LHFPL6: variants seen among roughly 807,000 people sequenced by gnomAD.
The protein encoded by LHFPL6 is LHFPL tetraspan subfamily member 6 protein.
A neutral mutation model predicts 20.6 loss-of-function variants in LHFPL6; 9 were observed. The ratio of observed to expected loss-of-function variants is 0.44; its 90% CI spans 0.26 to 0.76. LHFPL6 has a LOEUF of 0.76. Among genes scored for constraint, LHFPL6 ranks in the 30% least tolerant of loss-of-function variants. LHFPL6 has a pLI of 0.20. For missense variants in LHFPL6, 218 were observed against 253.5 expected, an observed-to-expected ratio of 0.86 and a Z score of 0.95; for synonymous variants, 105 against 98.7, an observed-to-expected ratio of 1.06 and a Z score of -0.38.
At chr13:39,562,589 T>TACATATATAC (rs1486581536) in intron 2 of LHFPL6, among the ~76,000 whole-genome samples, 15,433 of 131,990 alleles carry the variant, frequency 0.12, 1,232 homozygotes, top group East Asian at 0.42. Context: ...TACACATATA[T>TACATATATAC]ACATATATAC....
chr13:39,376,473 T>C lies in LHFPL6; in HGVS notation c.484+1955A>G, dbSNP rs1450494030. 2.0e-5 allele frequency among the ~76,000 whole-genome samples: 3 copies of C among 152,154 alleles called. No individual in the cohort carries two copies. The East Asian group carries it at 5.8e-4, about 29-fold the overall frequency. ...TCTTATTTGTTTTATCCATGCAAAT[T>C]AGGTGGTATTTAGAACAGTCTTCTC... On this transcript the variant is annotated intron_variant, in intron 3 of 3. Coordinates refer to ENST00000379589, the MANE Select transcript of LHFPL6 (RefSeq NM_005780.3).
intron 2 of LHFPL6, among the ~76,000 whole-genome samples, chr13:39,390,488 ACT>A (rs1345287535): frequency 2.6e-5 from 4 of 151,884 alleles, no homozygotes; most frequent in Admixed American, 2.6e-4. Context: ...AGAGAATGAG[ACT>A]CTGTCTCTAA....
At chr13:39,386,216 G>A (rs893624598) in intron 2 of LHFPL6, among the ~76,000 whole-genome samples, 1 of 152,110 alleles carries the variant, frequency 6.6e-6, no homozygotes, top group Non-Finnish European at 1.5e-5. Context: ...TGATGTACAC[G>A]AGTTTTGTCC....
At chr13:39,561,152 C>A (rs995219275) in intron 2 of LHFPL6, among the ~76,000 whole-genome samples, 1 of 151,938 alleles carries the variant, frequency 6.6e-6, no homozygotes, top group African/African-American at 2.4e-5. Context: ...TCACTCACTT[C>A]TAGGAGGCTT....
At position 39,343,866 on chromosome 13, in the gene LHFPL6, G is replaced by A. The variant is rs866035281; in HGVS notation, c.*70C>T. On this transcript the variant is annotated 3_prime_UTR_variant, in exon 4 of 4. Transcript: ENST00000379589. ...ACTACTATCCCACCTTTTGAAGGTA[G>A]GTGGATGTTTTGACCTCTCCAAGCC... 9.3e-6 allele frequency: 10 copies of A among 1,080,624 alleles called. No individual in the cohort carries two copies. Among genetic ancestry groups the A allele is most frequent in the African/African-American group, 4.6e-5 (3 of 64,578 alleles). The allele number at this position is 1,080,624 out of a possible 1,614,324, so 66.9% of individuals were successfully genotyped here.
At chr13:39,538,618 A>T (rs1011282481) in intron 2 of LHFPL6, among the ~76,000 whole-genome samples, 1 of 151,724 alleles carries the variant, frequency 6.6e-6, no homozygotes, top group Middle Eastern at 3.2e-3. Context: ...GGTGACACAG[A>T]CACCAAATGC....
At chr13:39,502,332 A>G (rs763510492) in intron 2 of LHFPL6, among the ~76,000 whole-genome samples, 3 of 151,982 alleles carry the variant, frequency 2.0e-5, no homozygotes, top group Non-Finnish European at 4.4e-5. Flanking sequence ...AAAAATACAC[A>G]TTTTGGCCAG....
chr13:39,433,190 T>C (rs910842537), intron 2 of LHFPL6, among the ~76,000 whole-genome samples: 1 of 152,228 alleles, frequency 6.6e-6, no homozygotes, highest in African/African-American at 2.4e-5. Context: ...CAGTGAGTTG[T>C]TAAGAAACAA....
intron 2 of LHFPL6, among the ~76,000 whole-genome samples, chr13:39,415,775 T>G (rs1163043312): frequency 6.6e-6 from 1 of 152,210 alleles, no homozygotes; most frequent in Non-Finnish European, 1.5e-5. Flanking sequence ...AGCTTCATAG[T>G]CTCAGTGCTG....
chr13:39,435,775 T>C (rs1371141996), intron 2 of LHFPL6, among the ~76,000 whole-genome samples: 1 of 152,164 alleles, frequency 6.6e-6, no homozygotes, highest in African/African-American at 2.4e-5. Context: ...CAAAATGCTA[T>C]TAAAATACCA....
intron 2 of LHFPL6, among the ~76,000 whole-genome samples, chr13:39,577,086 G>A (rs747644301): frequency 5.3e-5 from 8 of 152,122 alleles, no homozygotes; most frequent in Non-Finnish European, 8.8e-5. Flanking sequence ...TCTTCATGGA[G>A]TTAAAAATGA....
intron 2 of LHFPL6, among the ~76,000 whole-genome samples, chr13:39,479,854 C>G (rs1868444605): frequency 6.6e-6 from 1 of 152,154 alleles, no homozygotes; most frequent in Admixed American, 6.6e-5. Flanking sequence ...TTGACAGTCT[C>G]CAACAACTGA....
chr13:39,401,100 G>A (rs1219718257), intron 2 of LHFPL6, among the ~76,000 whole-genome samples: 7 of 152,140 alleles, frequency 4.6e-5, no homozygotes, highest in African/African-American at 9.7e-5. Flanking sequence ...TATGTTGAGC[G>A]CAACTACAAA....
In LHFPL6 at chr13:39,344,016, C is replaced by G; in HGVS notation, c.523G>C (p.Ala175Pro). The G allele has an allele frequency of 6.2e-7, 1 of 1,613,770 alleles. No homozygotes were observed. Among genetic ancestry groups the G allele is most frequent in the Non-Finnish European group, 8.5e-7 (1 of 1,179,910 alleles). ...EIGWAYYCTG[A>P]GATAAMLLCT... Reference sequence around the variant, plus strand: ...AGCAGCATGGCGGCAGTGGCACCTGCTCCCGTGCAGTAGTAGGCCCAGCCG... The same window carrying G: ...AGCAGCATGGCGGCAGTGGCACCTGGTCCCGTGCAGTAGTAGGCCCAGCCG... Residue 175 changes from alanine (A) to proline (P), a missense_variant, in exon 4 of 4, where the codon GCA (alanine) becomes CCA (proline). Transcript: ENST00000379589.
rs113145088 is a variant in LHFPL6, at chr13:39,360,694, G to T, written c.485-16640C>A. ...GACATGCATTAGAGGGCAATGACCA[G>T]CTGTTCAAACGCTAAGCTCAAATAG... On this transcript the variant is annotated intron_variant, in intron 3 of 3. Transcript: ENST00000379589. Among the ~76,000 whole-genome samples the T allele has an allele frequency of 4.3e-3, 398 of 92,688 alleles. 106 individuals carry two copies. Among genetic ancestry groups the T allele is most frequent in the African/African-American group, 0.011 (363 of 31,618 alleles). The allele number at this position is 92,688 out of a possible 152,430, so 60.8% of individuals were successfully genotyped here.
chr13:39,396,359 C>A (rs73456919), intron 2 of LHFPL6, among the ~76,000 whole-genome samples: 7,542 of 152,216 alleles, frequency 0.05, 187 homozygotes, highest in Middle Eastern at 0.075. Flanking sequence ...ATCTCCAAAA[C>A]AGAGGTATAT....
intron 2 of LHFPL6, among the ~76,000 whole-genome samples, chr13:39,437,812 G>C (rs1367868374): frequency 6.6e-6 from 1 of 151,236 alleles, no homozygotes; most frequent in Non-Finnish European, 1.5e-5. Flanking sequence ...CGAGGCAGGA[G>C]AATGGCGTGA....
intron 2 of LHFPL6, among the ~76,000 whole-genome samples, chr13:39,484,270 GT>G (rs2138447838): frequency 6.6e-6 from 1 of 152,218 alleles, no homozygotes; most frequent in South Asian, 2.1e-4. Context: ...CCTAAAATGT[GT>G]TCCTCTCTTA....
chr13:39,593,782 A>C (rs1275796119), intron 2 of LHFPL6, among the ~76,000 whole-genome samples: 3 of 151,992 alleles, frequency 2.0e-5, no homozygotes, highest in Non-Finnish European at 4.4e-5. Flanking sequence ...AGATCAATGG[A>C]ACAGAACAGA....
Sources: gnomAD v4.1 joint callset for allele counts (sites outside exome capture counted in the v4.1 genomes callset) on GRCh38, gnomAD v4.1.1 for gene constraint, MANE v1.5 for transcripts, NCBI Gene and HGNC (gene_info 2026-07-23, HGNC 2026-07-21) for gene names.